ARHGAP39: variants seen among roughly 807,000 people sequenced by gnomAD.
ARHGAP39 encodes the protein rho GTPase-activating protein 39.
ARHGAP39 carries 44 observed loss-of-function variants against 106.9 expected under a neutral mutation model. The observed-to-expected ratio is 0.41, with a 90% CI of 0.32 to 0.53. The LOEUF (loss-of-function observed/expected upper bound fraction) is 0.53. ARHGAP39 is among the 20% of genes least tolerant of loss of function. ARHGAP39 has a pLI of 0.21. For missense variants in ARHGAP39, 1,496 were observed against 1,577.3 expected (o/e 0.95, Z 0.87); for synonymous variants, 768 against 693.2 (o/e 1.11, Z -1.69).
At chr8:144,594,208 C>G (rs974013055) in intron 2 of ARHGAP39, among the ~76,000 whole-genome samples, 3 of 151,868 alleles carry the variant, frequency 2.0e-5, no homozygotes, top group African/African-American at 7.3e-5. Flanking sequence ...CGCTCGTGAT[C>G]ATTAGCCATA....
intron 1 of ARHGAP39, among the ~76,000 whole-genome samples, chr8:144,659,655 AT>A (rs1821776103): frequency 6.6e-6 from 1 of 152,042 alleles, no homozygotes; most frequent in Admixed American, 6.5e-5. Context: ...ATCCCAAACA[AT>A]TTTTTGCAAA....
At chr8:144,658,237 G>A (rs760276958) in intron 1 of ARHGAP39, among the ~76,000 whole-genome samples, 2 of 151,768 alleles carry the variant, frequency 1.3e-5, no homozygotes, top group Non-Finnish European at 2.9e-5. Flanking sequence ...AGCCTCCCAA[G>A]TAGCTGGAAT....
In ARHGAP39 at chr8:144,644,509, A is replaced by G. The variant is rs534250081; in HGVS notation, c.-81-38814T>C. 6.6e-6 allele frequency among the ~76,000 whole-genome samples: 1 copy of G among 152,218 alleles called. No homozygotes were observed. The highest frequency in any genetic ancestry group is 1.5e-5 in the Non-Finnish European group (1 of 68,044). Reference sequence around the variant, plus strand: ...TTTACTAAAAACCATGGGATTATATACTTGAAATGAGTGAATTTTTTATAT... The same window carrying G: ...TTTACTAAAAACCATGGGATTATATGCTTGAAATGAGTGAATTTTTTATAT... On this transcript the variant is annotated intron_variant, in intron 1 of 11. Transcript: ENST00000377307. The surrounding 1 kb of genome is among the most constrained non-coding windows in gnomAD (Gnocchi z 4.8).
chr8:144,616,112 T>G (rs1309026987), intron 1 of ARHGAP39, among the ~76,000 whole-genome samples: 1 of 152,254 alleles, frequency 6.6e-6, no homozygotes, highest in African/African-American at 2.4e-5. Context: ...GTGGTGTGGC[T>G]GCTGCAACAT....
rs1480188744 is a variant in ARHGAP39 at position 144,545,691 on chromosome 8, G to A, written c.2079C>T (p.Asp693=). ...AGTGCTTGGAGGCCCAGTTCTCGAT[G>A]TCCGTCTCCGAGGAGGGCTTGCGCA... ...FTLRKPSSET[D]IENWASKHFN... is the part of the protein sequence containing the mutation. Residue 693 remains aspartate, a synonymous_variant, in exon 6 of 12, where the codon GAC becomes GAT. Coordinates refer to ENST00000377307, the MANE Select transcript of ARHGAP39 (RefSeq NM_025251.3). 2 of 1,613,310 alleles carry A rather than the reference G, an allele frequency of 1.2e-6. No individual in the cohort carries two copies. Among genetic ancestry groups the A allele is most frequent in the East Asian group, 2.2e-5 (1 of 44,892 alleles).
At chr8:144,568,297 G>A (rs1450581692) in intron 3 of ARHGAP39, among the ~76,000 whole-genome samples, 2 of 117,456 alleles carry the variant, frequency 1.7e-5, no homozygotes, top group Admixed American at 1.2e-4. Flanking sequence ...TCACACCACT[G>A]CACTCCAGCC....
upstream of ARHGAP39, among the ~76,000 whole-genome samples, chr8:144,688,105 C>T (rs1210366543): frequency 3.6e-5 from 5 of 140,246 alleles, no homozygotes; most frequent in African/African-American, 8.0e-5. Flanking sequence ...ACATTTAACT[C>T]TTTTTTTTTT....
intron 3 of ARHGAP39, among the ~76,000 whole-genome samples, chr8:144,575,192 T>G (rs575050342): frequency 6.6e-6 from 1 of 152,174 alleles, no homozygotes; most frequent in Non-Finnish European, 1.5e-5. Flanking sequence ...GCAGTTGCCG[T>G]GCGTGTCGGT....
At chr8:144,615,756 C>T (rs1354929203) in intron 1 of ARHGAP39, among the ~76,000 whole-genome samples, 1 of 152,264 alleles carries the variant, frequency 6.6e-6, no homozygotes, top group African/African-American at 2.4e-5. Context: ...GTCTCATGCT[C>T]TGAAAGCTCG....
chr8:144,568,051 C>T (rs1466446645), intron 3 of ARHGAP39, among the ~76,000 whole-genome samples: 1 of 152,142 alleles, frequency 6.6e-6, no homozygotes, highest in Non-Finnish European at 1.5e-5. Flanking sequence ...CCCTGTGGGG[C>T]TGGACCCTAC....
chr8:144,614,610 C>T (rs757986552), intron 1 of ARHGAP39, among the ~76,000 whole-genome samples: 1 of 152,176 alleles, frequency 6.6e-6, no homozygotes, highest in Non-Finnish European at 1.5e-5. Context: ...ACCTTGGCCT[C>T]CACAAGTGCT....
At chr8:144,561,449 CCAGTGGTTTCCATCACACT>C (rs1818151449) in intron 3 of ARHGAP39, among the ~76,000 whole-genome samples, 2 of 131,004 alleles carry the variant, frequency 1.5e-5, no homozygotes, top group African/African-American at 3.1e-5. Context: ...CCATCACACT[CCAGTGGTTTCCATCACACT>C]CCAGTGGTTT....
Position 144,542,660 on chromosome 8 carries a change from C to T in ARHGAP39, c.2521+2589G>A, listed in dbSNP as rs139251065. On this transcript the variant is annotated intron_variant, in intron 6 of 11. Coordinates refer to ENST00000377307, the MANE Select transcript of ARHGAP39 (RefSeq NM_025251.3). ...ACCCCCACTTCGACGGAGTCTTGGCCGGGCACAATGGCTCACGCCTCTAAT... is the reference window on the plus strand; with the variant it reads ...ACCCCCACTTCGACGGAGTCTTGGCTGGGCACAATGGCTCACGCCTCTAAT... Among the ~76,000 whole-genome samples the T allele has an allele frequency of 3.9e-3, 538 of 136,242 alleles. 2 individuals carry two copies. The highest frequency in any genetic ancestry group is 0.014 in the African/African-American group (520 of 36,750). The allele number at this position is 136,242 out of a possible 152,430, so 89.4% of individuals were successfully genotyped here. A position where few individuals can be genotyped will look rare whatever the true frequency, so the allele number is the denominator to read the frequency against.
intron 1 of ARHGAP39, among the ~76,000 whole-genome samples, chr8:144,662,965 A>C (rs1586644807): frequency 3.7e-5 from 4 of 109,172 alleles, no homozygotes; most frequent in East Asian, 2.8e-4. Context: ...ACCTTGGGTC[A>C]CTCCCTTCTC....
chr8:144,538,397 G>A (rs1044999613), intron 6 of ARHGAP39, among the ~76,000 whole-genome samples: 5 of 152,324 alleles, frequency 3.3e-5, no homozygotes, highest in African/African-American at 4.8e-5. Flanking sequence ...CTCCTGCTCC[G>A]TGCCACACTC....
At chr8:144,621,043 C>T (rs944862434) in intron 1 of ARHGAP39, among the ~76,000 whole-genome samples, 1 of 152,408 alleles carries the variant, frequency 6.6e-6, no homozygotes, top group Admixed American at 6.5e-5. Flanking sequence ...CCAGACTCAC[C>T]ACCCAGAGCC....
intron 1 of ARHGAP39, among the ~76,000 whole-genome samples, chr8:144,626,811 CCT>C (rs767224465): frequency 2.6e-5 from 4 of 152,230 alleles, no homozygotes; most frequent in Non-Finnish European, 5.9e-5. Flanking sequence ...GCTAGAGACC[CCT>C]CTCTCTGCAG....
At chr8:144,658,324 C>T (rs1245884204) in intron 1 of ARHGAP39, among the ~76,000 whole-genome samples, 1 of 151,112 alleles carries the variant, frequency 6.6e-6, no homozygotes, top group African/African-American at 2.4e-5. Context: ...GCCCTGGCTG[C>T]AGTGCAATGG....
chr8:144,536,909 C>T (rs1300830802), intron 7 of ARHGAP39, among the ~76,000 whole-genome samples: 1 of 152,230 alleles, frequency 6.6e-6, no homozygotes, highest in Admixed American at 6.5e-5. Context: ...GGAAGAGGTG[C>T]CTAAGCCAAG....
Sources: allele counts gnomAD v4.1 joint callset (sites outside exome capture counted in the v4.1 genomes callset), GRCh38; gene constraint gnomAD v4.1.1; non-coding constraint Gnocchi (gnomAD v3.1); transcripts MANE v1.5; gene names NCBI Gene and HGNC (gene_info 2026-07-23, HGNC 2026-07-21).